The following CDC42BPB variants were observed in gnomAD, a reference collection of about 807,000 sequenced individuals.
CDC42BPB encodes CDC42 binding protein kinase beta.
In CDC42BPB, 37 loss-of-function variants were observed where a neutral mutation model predicts 214.9. The ratio of observed to expected loss-of-function variants is 0.17; its 90% CI spans 0.13 to 0.23. CDC42BPB has a LOEUF of 0.23. CDC42BPB is among the 10% of genes least tolerant of loss of function. The probability of loss-of-function intolerance (pLI) is 1.00; values close to 1 mark genes in which losing one functional copy is unlikely to be tolerated. For synonymous variants in CDC42BPB, 931 were observed against 884.0 expected (o/e 1.05, Z -0.94); for missense variants, 1,694 against 2,227.0 (o/e 0.76, Z 4.82).
At chr14:102,981,849 C>G (rs914789909) in intron 7 of CDC42BPB, among the ~76,000 whole-genome samples, 2 of 152,176 alleles carry the variant, frequency 1.3e-5, no homozygotes, top group Admixed American at 1.3e-4. Flanking sequence ...ACCACAGATA[C>G]AATGACAAAA....
intron 1 of CDC42BPB, among the ~76,000 whole-genome samples, chr14:103,028,383 CCA>C (rs1334805650): frequency 3.9e-5 from 6 of 152,234 alleles, no homozygotes; most frequent in Admixed American, 2.6e-4. Context: ...AGCATGAACT[CCA>C]GTTTCCTTGT....
intron 8 of CDC42BPB, among the ~76,000 whole-genome samples, chr14:102,979,084 T>C (rs1474501293): frequency 6.6e-6 from 1 of 152,212 alleles, no homozygotes; most frequent in Admixed American, 6.5e-5. Context: ...AGTCAGAGTC[T>C]AGGACAACAA....
rs2285018 is a variant in CDC42BPB, at chr14:103,046,024, C to T, written c.175+10975G>A. Among the ~76,000 whole-genome samples, 70 of 152,204 alleles carry T rather than the reference C, an allele frequency of 4.6e-4. 1 individual carries two copies. In the East Asian group the frequency reaches 0.01, roughly 22 times the overall value. On this transcript the variant is annotated intron_variant, in intron 1 of 36. Coordinates refer to ENST00000361246, the MANE Select transcript of CDC42BPB (RefSeq NM_006035.4). ...TATCTAACTCAGCAAAGCCAGAAAA[C>T]CAGAACTTAACTGCGCAGCAGGGGC...
At chr14:103,007,658 G>A (rs151164617) in intron 3 of CDC42BPB, among the ~76,000 whole-genome samples, 19 of 152,348 alleles carry the variant, frequency 1.2e-4, no homozygotes, top group African/African-American at 3.8e-4. Flanking sequence ...CGCTCAGGGC[G>A]GGTCAGAGAC....
At chr14:103,012,052 G>T in intron 2 of CDC42BPB, 45 bp downstream of exon 2, 1 of 1,280,010 alleles carries the variant, frequency 7.8e-7, no homozygotes, top group Non-Finnish European at 1.1e-6. Context: ...AGCTGCTGAT[G>T]TTTTGGCAAT....
At chr14:103,020,542 G>C (rs1211838976) in intron 1 of CDC42BPB, among the ~76,000 whole-genome samples, 1 of 152,230 alleles carries the variant, frequency 6.6e-6, no homozygotes, top group East Asian at 1.9e-4. Context: ...GTATGGATGT[G>C]TGCGAGGGCC....
intron 4 of CDC42BPB, 25 bp from the exon 5 acceptor site, chr14:102,999,738 G>C (rs1894894791): frequency 6.2e-7 from 1 of 1,613,800 alleles, no homozygotes; most frequent in Admixed American, 1.7e-5. Flanking sequence ...GAGAAGGGGA[G>C]AGAATACCAC....
intron 1 of CDC42BPB, among the ~76,000 whole-genome samples, chr14:103,049,456 T>C (rs564585764): frequency 2.6e-5 from 4 of 152,362 alleles, no homozygotes; most frequent in African/African-American, 9.6e-5. Context: ...TAAGTCACTG[T>C]CACTTTGTTC....
intron 16 of CDC42BPB, chr14:102,967,479 C>T (rs911630): frequency 0.55 from 216,624 of 392,564 alleles, 62,446 homozygotes; most frequent in East Asian, 0.79. Flanking sequence ...AAAACAGTCA[C>T]GTGTAGTGAA....
At chr14:103,028,144 A>G (rs1362826926) in intron 1 of CDC42BPB, among the ~76,000 whole-genome samples, 4 of 152,202 alleles carry the variant, frequency 2.6e-5, no homozygotes. Context: ...ATAAGTAAAT[A>G]AAACAATAAT....
chr14:102,943,880 CAT>C lies in CDC42BPB; in HGVS notation c.4408+9_4408+10del, dbSNP rs1892016925. 6.3e-7 allele frequency: 1 copy of C among 1,595,298 alleles called. No individual in the cohort carries two copies. The highest frequency in any genetic ancestry group is 1.1e-5 in the South Asian group (1 of 89,700). On this transcript the variant is annotated intron_variant, in intron 30 of 36. Coordinates refer to ENST00000361246, the MANE Select transcript of CDC42BPB (RefSeq NM_006035.4). This position sits in a 1 kb window ranked among gnomAD's most constrained non-coding sequence, Gnocchi z 4.6. Reference sequence around the variant, plus strand: ...AGCAACAGGGATATGCAACAGAAAACATATACATACTACAGGCGACAGGAGCC... The same window carrying C: ...AGCAACAGGGATATGCAACAGAAAACATACATACTACAGGCGACAGGAGCC...
At chr14:103,052,318 T>C (rs934686121) in intron 1 of CDC42BPB, among the ~76,000 whole-genome samples, 3 of 152,248 alleles carry the variant, frequency 2.0e-5, no homozygotes, top group Non-Finnish European at 4.4e-5. Flanking sequence ...ACTCAAAAGA[T>C]CTATTTCTTA....
chr14:103,032,092 C>G lies in CDC42BPB; in HGVS notation c.176-19904G>C, dbSNP rs1315083279. On this transcript the variant is annotated intron_variant, in intron 1 of 36. Transcript: ENST00000361246. ...CAGCCGGCGGCCAGCCTTGTGGCCTCAGGGCAGCGGCAGGTGTTTCTGATA... is the reference window on the plus strand; with the variant it reads ...CAGCCGGCGGCCAGCCTTGTGGCCTGAGGGCAGCGGCAGGTGTTTCTGATA... Among the ~76,000 whole-genome samples, 3 of 151,778 alleles carry G rather than the reference C, an allele frequency of 2.0e-5. No individual in the cohort carries two copies. The East Asian group carries it at 5.8e-4, about 29-fold the overall frequency.
chr14:102,962,426 C>G (rs1406900411), intron 20 of CDC42BPB, among the ~76,000 whole-genome samples: 2 of 152,260 alleles, frequency 1.3e-5, no homozygotes, highest in Non-Finnish European at 2.9e-5. Context: ...GGCCAGCCCA[C>G]GGCAGCGCAC....
At chr14:103,054,231 T>A (rs900838051) in intron 1 of CDC42BPB, among the ~76,000 whole-genome samples, 2 of 152,156 alleles carry the variant, frequency 1.3e-5, no homozygotes, top group South Asian at 4.1e-4. Flanking sequence ...ATATTCCCCA[T>A]TAAGCCTCCA....
chr14:103,042,763 C>T (rs1206604082), intron 1 of CDC42BPB, among the ~76,000 whole-genome samples: 1 of 152,140 alleles, frequency 6.6e-6, no homozygotes, highest in East Asian at 1.9e-4. Context: ...CGACTTCACA[C>T]CCACTAGGAC....
At chr14:103,022,429 AC>A (rs1385119613) in intron 1 of CDC42BPB, among the ~76,000 whole-genome samples, 1 of 152,178 alleles carries the variant, frequency 6.6e-6, no homozygotes, top group African/African-American at 2.4e-5. Context: ...TGATGCCATC[AC>A]GGCTCACTGC....
At chr14:103,056,953 C>T in intron 1 of CDC42BPB, 46 bp downstream of exon 1, 9 of 1,277,498 alleles carry the variant, frequency 7.0e-6, no homozygotes, top group South Asian at 1.8e-5. Context: ...GGCTGGGGCG[C>T]GGGGGTCGCA....
intron 17 of CDC42BPB, chr14:102,966,682 C>G: frequency 4.1e-6 from 1 of 245,374 alleles, no homozygotes; most frequent in Non-Finnish European, 6.5e-6. Context: ...AATAAAAACT[C>G]TTTTTTTAAT....
Sources: allele counts gnomAD v4.1 joint callset (sites outside exome capture counted in the v4.1 genomes callset), GRCh38; gene constraint gnomAD v4.1.1; non-coding constraint Gnocchi (gnomAD v3.1); transcripts MANE v1.5; gene names NCBI Gene and HGNC (gene_info 2026-07-23, HGNC 2026-07-21).